GRIN2B: variants seen among roughly 807,000 people sequenced by gnomAD.
GRIN2B encodes the protein glutamate receptor ionotropic, NMDA 2B.
GRIN2B carries 5 observed loss-of-function variants against 114.5 expected under a neutral mutation model. That is an observed-to-expected ratio of 0.04 (90% CI 0.02 to 0.09). GRIN2B has a LOEUF of 0.09. Among genes scored for constraint, GRIN2B ranks in the 10% least tolerant of loss-of-function variants. The pLI is 1.00. For synonymous variants in GRIN2B, 787 were observed against 745.1 expected (o/e 1.06, Z -0.92); for missense variants, 1,108 against 1,943.5 (o/e 0.57, Z 8.08).
intron 4 of GRIN2B, among the ~76,000 whole-genome samples, chr12:13,701,213 CATGAGGATT>C (rs1565505592): frequency 6.6e-6 from 1 of 152,144 alleles, no homozygotes; most frequent in African/African-American, 2.4e-5. Context: ...TCCCTTGACA[CATGAGGATT>C]ATGAGGATTA....
At chr12:13,574,935 G>A (rs1948754847) in intron 10 of GRIN2B, among the ~76,000 whole-genome samples, 1 of 152,204 alleles carries the variant, frequency 6.6e-6, no homozygotes, top group Admixed American at 6.5e-5. Context: ...CCACATATAT[G>A]GTGCAAGGGC....
At chr12:13,826,999 G>A (rs1160985094) in intron 3 of GRIN2B, among the ~76,000 whole-genome samples, 1 of 149,360 alleles carries the variant, frequency 6.7e-6, no homozygotes, top group African/African-American at 2.4e-5. Flanking sequence ...TTTTTGCTAG[G>A]TGTAGAGTTC....
At chr12:13,877,147 T>C (rs1175931570) in intron 2 of GRIN2B, among the ~76,000 whole-genome samples, 2 of 152,214 alleles carry the variant, frequency 1.3e-5, no homozygotes, top group Non-Finnish European at 2.9e-5. Flanking sequence ...TGCATGTGTG[T>C]GAGCTCAAAT....
Position 13,564,765 on chromosome 12 carries a change from A to G in GRIN2B, c.2599-126T>C, listed in dbSNP as rs989237407. 4 of 889,668 alleles carry G rather than the reference A, an allele frequency of 4.5e-6. No individual in the cohort carries two copies. In the African/African-American group the frequency reaches 6.5e-5, roughly 15 times the overall value. 55.1% of individuals were successfully genotyped at this position (889,668 alleles called of 1,614,324 possible). On this transcript the variant is annotated intron_variant, in intron 13 of 13. Transcript: ENST00000609686. This position sits in a 1 kb window ranked among gnomAD's most constrained non-coding sequence, Gnocchi z 4.8. ...AGGGAAAGCATGAAGCGAATAGTCT[A>G]ATATACTATTAGATGTGGCTAGAAG...
At chr12:13,750,277 C>T (rs2136625733) in intron 4 of GRIN2B, among the ~76,000 whole-genome samples, 1 of 152,222 alleles carries the variant, frequency 6.6e-6, no homozygotes, top group South Asian at 2.1e-4. Flanking sequence ...CCTGGGTGGC[C>T]ACACGGGAGC....
intron 3 of GRIN2B, among the ~76,000 whole-genome samples, chr12:13,857,372 TAC>T (rs142914230): frequency 0.029 from 4,254 of 147,072 alleles, 159 homozygotes; most frequent in African/African-American, 0.087. Flanking sequence ...CACGCGTGCA[TAC>T]ACACACACAC....
intron 3 of GRIN2B, among the ~76,000 whole-genome samples, chr12:13,771,727 C>T (rs1012934328): frequency 6.6e-6 from 1 of 152,260 alleles, no homozygotes; most frequent in East Asian, 1.9e-4. Context: ...CTATTGACCA[C>T]ATATTATAGC....
At chr12:13,784,210 T>C (rs527750255) in intron 3 of GRIN2B, among the ~76,000 whole-genome samples, 19 of 102,980 alleles carry the variant, frequency 1.8e-4, no homozygotes, top group Non-Finnish European at 2.9e-4. Flanking sequence ...GGCAACAGAG[T>C]GAGACTTCGC....
At chr12:13,702,757 G>T (rs1272127596) in intron 4 of GRIN2B, among the ~76,000 whole-genome samples, 3 of 152,066 alleles carry the variant, frequency 2.0e-5, no homozygotes, top group African/African-American at 7.2e-5. Context: ...GGAGACCCCA[G>T]GCCAGCATTA....
intron 2 of GRIN2B, among the ~76,000 whole-genome samples, chr12:13,971,025 T>G (rs767448977): frequency 1.3e-5 from 2 of 152,192 alleles, no homozygotes; most frequent in Non-Finnish European, 2.9e-5. Flanking sequence ...GTGAAACTGA[T>G]CTATCTGCAT....
At chr12:13,725,347 G>A (rs1473314583) in intron 4 of GRIN2B, among the ~76,000 whole-genome samples, 2 of 152,130 alleles carry the variant, frequency 1.3e-5, no homozygotes, top group Non-Finnish European at 2.9e-5. Flanking sequence ...AGAGGGAAGA[G>A]GAGGAGTCAG....
At chr12:13,657,236 G>A (rs938130303) in intron 5 of GRIN2B, among the ~76,000 whole-genome samples, 15 of 152,340 alleles carry the variant, frequency 9.8e-5, no homozygotes, top group South Asian at 4.1e-4. Context: ...CTTGGAGCAC[G>A]TGGTTACTGA....
chr12:13,556,950 CT>C lies in GRIN2B; in HGVS notation c.*5832del, dbSNP rs1462868139. On this transcript the variant is annotated 3_prime_UTR_variant, in exon 14 of 14. Transcript: ENST00000609686. ...CTCTGAACAAAATTCTTTTTTCTTG[CT>C]TCAATATTGTAAATGAGAAGCCCTA... The C allele has an allele frequency of 6.6e-6, 1 of 152,150 alleles. No individual in the cohort carries two copies. Among genetic ancestry groups the C allele is most frequent in the East Asian group, 1.9e-4 (1 of 5,202 alleles). The allele number at this position is 152,150 out of a possible 1,614,324, so 9.4% of individuals were successfully genotyped here.
chr12:13,650,464 T>C (rs995011314), intron 5 of GRIN2B, among the ~76,000 whole-genome samples: 2 of 152,210 alleles, frequency 1.3e-5, no homozygotes, highest in Admixed American at 6.5e-5. Context: ...CTCACTAAGA[T>C]GATAGAAAAT....
intron 3 of GRIN2B, among the ~76,000 whole-genome samples, chr12:13,771,457 A>G (rs1249601587): frequency 6.6e-6 from 1 of 152,224 alleles, no homozygotes. Context: ...ATAATTTCAA[A>G]ACAGAGCAGA....
At chr12:13,590,855 G>GAATC (rs1949000390) in intron 10 of GRIN2B, among the ~76,000 whole-genome samples, 1 of 152,150 alleles carries the variant, frequency 6.6e-6, no homozygotes, top group Admixed American at 6.5e-5. Context: ...TAGTCAGGTG[G>GAATC]AATCATAGTT....
rs5796562 is a variant in GRIN2B, at chr12:13,795,375, G to GAA, written c.412-41462_412-41461dup. Among the ~76,000 whole-genome samples, 203 of 147,286 alleles carry GAA rather than the reference G, an allele frequency of 1.4e-3. 1 individual carries two copies. Among genetic ancestry groups the GAA allele is most frequent in the African/African-American group, 3.1e-3 (125 of 39,798 alleles). On this transcript the variant is annotated intron_variant, in intron 3 of 13. Transcript: ENST00000609686. ...AAGGAACTCAGGTTGATGCAGTGGCGAAAAAAAAAAACGTTTTACAATTGG... is the reference window on the plus strand; with the variant it reads ...AAGGAACTCAGGTTGATGCAGTGGCGAAAAAAAAAAAAACGTTTTACAATTGG...
In GRIN2B at chr12:13,553,993, C is replaced by T. The variant is rs879907759; in HGVS notation, c.*8790G>A. The T allele has an allele frequency of 6.6e-6, 1 of 152,082 alleles. No individual in the cohort carries two copies. The highest frequency in any genetic ancestry group is 6.5e-5 in the Admixed American group (1 of 15,268). 9.4% of individuals were successfully genotyped at this position (152,082 alleles called of 1,614,324 possible). A position where few individuals can be genotyped will look rare whatever the true frequency, so the allele number is the denominator to read the frequency against. On this transcript the variant is annotated 3_prime_UTR_variant, in exon 14 of 14. Coordinates refer to ENST00000609686, the MANE Select transcript of GRIN2B (RefSeq NM_000834.5). ...ATGAACTGTATACATGTAGTATATA[C>T]ATGTGATTGTGTGTGCAGATATATA...
intron 4 of GRIN2B, among the ~76,000 whole-genome samples, chr12:13,699,624 T>C (rs1950292352): frequency 6.6e-6 from 1 of 151,940 alleles, no homozygotes; most frequent in East Asian, 1.9e-4. Context: ...AGTCTTGCTC[T>C]GTTGCCAGGC....
Sources: allele counts gnomAD v4.1 joint callset (sites outside exome capture counted in the v4.1 genomes callset), GRCh38; gene constraint gnomAD v4.1.1; non-coding constraint Gnocchi (gnomAD v3.1); transcripts MANE v1.5; gene names NCBI Gene and HGNC (gene_info 2026-07-23, HGNC 2026-07-21).